Variants in SOD2 observed in about 807,000 individuals in gnomAD.
SOD2 encodes the protein superoxide dismutase 2, also known as superoxide dismutase [Mn], mitochondrial.
SOD2 carries 11 observed loss-of-function variants against 27.0 expected under a neutral mutation model. The ratio of observed to expected loss-of-function variants is 0.41; its 90% CI spans 0.26 to 0.67. The LOEUF (loss-of-function observed/expected upper bound fraction) is 0.67. Ranked by LOEUF, SOD2 falls within the 30% of genes least tolerant of loss-of-function variation. The pLI, the probability that SOD2 is intolerant of heterozygous loss-of-function variation, is 0.34. For synonymous variants in SOD2, 105 were observed against 103.0 expected (o/e 1.02, Z -0.12); for missense variants, 250 against 274.5 (o/e 0.91, Z 0.63).
At chr6:159,731,140 CA>C (rs892276964), upstream of SOD2, among the ~76,000 whole-genome samples, 1 of 149,954 alleles carries the variant, frequency 6.7e-6, no homozygotes, top group Non-Finnish European at 1.5e-5. Flanking sequence ...GACTACGTCT[CA>C]AAAAAAAGAA....
At chr6:159,703,402 C>A (rs1445519337) in intron 1 of SOD2, among the ~76,000 whole-genome samples, 1 of 73,606 alleles carries the variant, frequency 1.4e-5, no homozygotes, top group Admixed American at 1.8e-4. Context: ...TGAGGCTTTA[C>A]CTCTTTTTTT....
At chr6:159,758,339 G>C (rs1294616784) in intron 1 of SOD2, among the ~76,000 whole-genome samples, 2 of 151,752 alleles carry the variant, frequency 1.3e-5, no homozygotes, top group African/African-American at 4.8e-5. Context: ...AAAGATCACA[G>C]TGCCCCCTGA....
intron 1 of SOD2, chr6:159,755,141 C>G (rs1326552622): frequency 6.2e-7 from 1 of 1,614,168 alleles, no homozygotes; most frequent in Non-Finnish European, 8.5e-7. Context: ...TCAGTACCAG[C>G]AGCAGCAGTC....
upstream of SOD2, among the ~76,000 whole-genome samples, chr6:159,729,092 C>A (rs1479486462): frequency 6.6e-6 from 1 of 152,108 alleles, no homozygotes; most frequent in Admixed American, 6.5e-5. Context: ...GTGTAAAAAG[C>A]CCTGTGATGT....
Position 159,683,849 on chromosome 6 carries a change from A to AT in SOD2, c.523+1004dup, listed in dbSNP as rs199808789. Among the ~76,000 whole-genome samples, 1,418 of 152,290 alleles carry AT rather than the reference A, an allele frequency of 9.3e-3. 22 individuals carry two copies. The highest frequency in any genetic ancestry group is 0.033 in the African/African-American group (1,371 of 41,536). Reference sequence around the variant, plus strand: ...AAAGAGCTGTTCAGATTCTGCCAAAATCTGGGTCTATCCTGTGAAGTGAGC... The same window carrying AT: ...AAAGAGCTGTTCAGATTCTGCCAAAATTCTGGGTCTATCCTGTGAAGTGAGC... On this transcript the variant is annotated intron_variant, in intron 4 of 4. Transcript: ENST00000538183.
intron 4 of SOD2, among the ~76,000 whole-genome samples, chr6:159,684,563 A>G (rs564522146): frequency 7.9e-5 from 12 of 152,122 alleles, no homozygotes; most frequent in South Asian, 4.2e-4. Flanking sequence ...GTTGCAGTGA[A>G]CCGAGATCGC....
chr6:159,688,099 G>T, intron 3 of SOD2, 27 bp downstream of exon 3: 1 of 1,177,984 alleles, frequency 8.5e-7, no homozygotes, highest in Non-Finnish European at 1.3e-6. Flanking sequence ...ACAAAATGTA[G>T]ATAAGGGTGC....
chr6:159,695,500 C>T (rs1211189343), upstream of SOD2, among the ~76,000 whole-genome samples: 1 of 152,070 alleles, frequency 6.6e-6, no homozygotes, highest in Non-Finnish European at 1.5e-5. Flanking sequence ...GTCTACCACA[C>T]CCAGTGAACA....
chr6:159,693,314 G>A (rs1258977030), upstream of SOD2: 4 of 465,058 alleles, frequency 8.6e-6, no homozygotes, highest in South Asian at 7.0e-5. Context: ...GCGCCGCAAG[G>A]GCACCGCCGC....
chr6:159,680,920 A>T lies in SOD2; in HGVS notation c.*1573T>A, dbSNP rs1199273470. 2 of 149,530 alleles carry T rather than the reference A, an allele frequency of 1.3e-5. 1 individual carries two copies. Among genetic ancestry groups the T allele is most frequent in the Admixed American group, 1.3e-4 (2 of 14,824 alleles). 9.3% of individuals were successfully genotyped at this position (149,530 alleles called of 1,614,324 possible). On this transcript the variant is annotated 3_prime_UTR_variant, in exon 5 of 5. Transcript: ENST00000538183. The stretch of plus-strand genomic sequence containing the variant: ...CACTGCACTCCAGCCTGGGCAACAG[A>T]GCAAGACTCTGTCTCCAAAAAAAAA...
Position 159,692,671 on chromosome 6 carries a change from C to G in SOD2, c.216G>C (p.Ala72=). Residue 72 remains alanine (A), a synonymous_variant, in exon 2 of 5, where the codon GCG becomes GCC. Coordinates refer to ENST00000538183, the MANE Select transcript of SOD2 (RefSeq NM_000636.4). ...CAGCCTGGAACCTACCCTTGGCCAA[C>G]GCCTCCTGGTACTTCTCCTCGGTGA... The part of the protein sequence containing the change: ...LNVTEEKYQE[A]LAKGDVTAQI... 2 of 1,613,920 alleles carry G rather than the reference C, an allele frequency of 1.2e-6. No individual in the cohort carries two copies. The highest frequency in any genetic ancestry group is 1.7e-6 in the Non-Finnish European group (2 of 1,179,936).
At chr6:159,731,745 G>C (rs1778583510), upstream of SOD2, among the ~76,000 whole-genome samples, 1 of 152,150 alleles carries the variant, frequency 6.6e-6, no homozygotes. Flanking sequence ...TTTGGGCCCT[G>C]GTTGTGGTAA....
rs980976422 is a variant in SOD2, at chr6:159,669,493, TAC to T, written c.*12998_*12999del. The T allele has an allele frequency of 2.0e-5, 3 of 152,016 alleles. No individual in the cohort carries two copies. The highest frequency in any genetic ancestry group is 7.3e-5 in the African/African-American group (3 of 41,354). The allele number at this position is 152,016 out of a possible 1,614,324, so 9.4% of individuals were successfully genotyped here. On this transcript the variant is annotated 3_prime_UTR_variant, in exon 5 of 5. Transcript: ENST00000538183. ...TATATCTGGGTCATCCAGTGTGGGG[TAC>T]ATATATATTTATAATGATAATATCC...
chr6:159,724,905 A>G (rs1202511561), intron 1 of SOD2, among the ~76,000 whole-genome samples: 1 of 137,238 alleles, frequency 7.3e-6, no homozygotes, highest in Non-Finnish European at 1.6e-5. Context: ...GGAGGGGGGA[A>G]GAGAGGGAGG....
chr6:159,755,219 A>G (rs1461764977), intron 1 of SOD2: 1 of 1,614,230 alleles, frequency 6.2e-7, no homozygotes, highest in Non-Finnish European at 8.5e-7. Flanking sequence ...AGAGGCCACA[A>G]GTAAAGACTG....
At chr6:159,712,609 AGCTGCTCTGACCTC>A (rs1777842155) in intron 1 of SOD2, among the ~76,000 whole-genome samples, 1 of 138,144 alleles carries the variant, frequency 7.2e-6, no homozygotes, top group Non-Finnish European at 1.6e-5. Context: ...ACGACCACTC[AGCTGCTCTGACCTC>A]CATAACCACC....
chr6:159,745,271 T>C (rs1477701680), upstream of SOD2: 1 of 152,224 alleles, frequency 6.6e-6, no homozygotes, highest in Non-Finnish European at 1.5e-5. Flanking sequence ...CACATCACAA[T>C]GTTTGTGCTA....
At chr6:159,727,124 C>T (rs1778215763) in intron 1 of SOD2, 2 of 1,195,524 alleles carry the variant, frequency 1.7e-6, no homozygotes, top group African/African-American at 1.6e-5. Flanking sequence ...GGCCGCTTCC[C>T]TTACTGAGCT....
At chr6:159,709,485 A>T (rs774303798) in intron 1 of SOD2, among the ~76,000 whole-genome samples, 1 of 152,216 alleles carries the variant, frequency 6.6e-6, no homozygotes, top group Non-Finnish European at 1.5e-5. Flanking sequence ...CCAAAAGAAG[A>T]CATTTATGCA....
Sources: allele counts gnomAD v4.1 joint callset (sites outside exome capture counted in the v4.1 genomes callset), GRCh38; gene constraint gnomAD v4.1.1; transcripts MANE v1.5; gene names NCBI Gene and HGNC (gene_info 2026-07-23, HGNC 2026-07-21).